The following SLC25A31 variants were observed in gnomAD, a reference collection of about 807,000 sequenced individuals.
SLC25A31 encodes the protein solute carrier family 25 member 31, also known as ADP/ATP translocase 4.
SLC25A31 carries 40 observed loss-of-function variants against 36.2 expected under a neutral mutation model. That is an observed-to-expected ratio of 1.10 (90% CI 0.86 to 1.44). The LOEUF is 1.44. Among genes scored for constraint, SLC25A31 ranks in the 40% most tolerant of loss-of-function variants. The probability of loss-of-function intolerance (pLI) is 0.00; values close to 1 mark genes in which losing one functional copy is unlikely to be tolerated. For missense variants in SLC25A31, 350 were observed against 397.1 expected, an observed-to-expected ratio of 0.88 and a Z score of 1.01; for synonymous variants, 143 against 149.7, an observed-to-expected ratio of 0.96 and a Z score of 0.32.
At chr4:127,736,554 G>C (rs778927714) in intron 1 of SLC25A31, among the ~76,000 whole-genome samples, 1 of 152,104 alleles carries the variant, frequency 6.6e-6, no homozygotes, top group Non-Finnish European at 1.5e-5. Context: ...TTTTTATATA[G>C]AGGCAATAGA....
rs1310126132 is a variant in SLC25A31, at chr4:127,766,411, C to G, written c.479-655C>G. On this transcript the variant is annotated intron_variant, in intron 3 of 5. Coordinates refer to ENST00000281154, the MANE Select transcript of SLC25A31 (RefSeq NM_031291.4). ...TTGAACTCCTGACCTCGTGATCCAC[C>G]CACCTCAGCCTCCCAAAGTGCTGGG... Among the ~76,000 whole-genome samples the G allele has an allele frequency of 2.7e-5, 4 of 149,574 alleles. No individual in the cohort carries two copies. In the South Asian group the frequency reaches 6.4e-4, roughly 24 times the overall value.
chr4:127,761,006 A>G (rs1206336728), intron 2 of SLC25A31, among the ~76,000 whole-genome samples: 1 of 30,394 alleles, frequency 3.3e-5, no homozygotes, highest in Non-Finnish European at 1.1e-4. Context: ...ACTCACTTAT[A>G]CTTATATACA....
intron 2 of SLC25A31, among the ~76,000 whole-genome samples, chr4:127,750,045 AG>A (rs1391497056): frequency 2.0e-5 from 3 of 152,178 alleles, no homozygotes; most frequent in African/African-American, 7.2e-5. Flanking sequence ...GAGTGCTAAA[AG>A]AAAAAAAAAA....
chr4:127,735,882 TTA>T (rs1297937761), intron 1 of SLC25A31, among the ~76,000 whole-genome samples: 2 of 68,028 alleles, frequency 2.9e-5, no homozygotes, highest in African/African-American at 5.2e-5. Context: ...ATTTATTTAT[TTA>T]TTTATTTATT....
chr4:127,730,418 C>A lies in SLC25A31; in HGVS notation c.-128C>A. The A allele has an allele frequency of 9.6e-7, 1 of 1,037,484 alleles. No homozygotes were observed. The highest frequency in any genetic ancestry group is 1.4e-6 in the Non-Finnish European group (1 of 719,638). 64.3% of individuals were successfully genotyped at this position (1,037,484 alleles called of 1,614,324 possible). On this transcript the variant is annotated 5_prime_UTR_variant, in exon 1 of 6. Coordinates refer to ENST00000281154, the MANE Select transcript of SLC25A31 (RefSeq NM_031291.4). Reference sequence around the variant, plus strand: ...GCGCCTCGCCGGCGCGCGGCTCTCTCAGCGTCCCAAGAGCCACTTTCTCGC... The same window carrying A: ...GCGCCTCGCCGGCGCGCGGCTCTCTAAGCGTCCCAAGAGCCACTTTCTCGC...
chr4:127,736,902 A>G (rs1560630804), intron 1 of SLC25A31, among the ~76,000 whole-genome samples: 1 of 152,232 alleles, frequency 6.6e-6, no homozygotes, highest in African/African-American at 2.4e-5. Context: ...CATAGAGTAG[A>G]TTTTTGTAAT....
intron 2 of SLC25A31, among the ~76,000 whole-genome samples, chr4:127,750,749 C>A (rs1441053839): frequency 6.6e-6 from 1 of 150,664 alleles, no homozygotes; most frequent in Non-Finnish European, 1.5e-5. Context: ...TTAAAAACCT[C>A]TAGTAAATAC....
intron 1 of SLC25A31, among the ~76,000 whole-genome samples, chr4:127,742,380 C>T (rs187201598): frequency 7.4e-4 from 112 of 152,330 alleles, no homozygotes; most frequent in African/African-American, 2.5e-3. Context: ...ACTAACCCTT[C>T]GCCTGTCATG....
intron 2 of SLC25A31, among the ~76,000 whole-genome samples, chr4:127,760,712 T>C (rs1337436518): frequency 6.6e-6 from 1 of 152,226 alleles, no homozygotes; most frequent in Non-Finnish European, 1.5e-5. Context: ...TTTCATCTTC[T>C]CCCTTCCTGA....
Position 127,764,282 on chromosome 4 carries a change from G to A in SLC25A31, c.400G>A (p.Ala134Thr), listed in dbSNP as rs531656423. ...TTTGGCAAACCTGGCTTCTGGTGGA[G>A]CTGCTGGGGCAACATCCTTATGTGT... ...WFLANLASGGAAGATSLCVVY... is the reference protein window; with the variant it reads ...WFLANLASGGTAGATSLCVVY... Residue 134 changes from alanine (A) to threonine (T), a missense_variant, in exon 3 of 6, where the codon GCT becomes ACT. By Grantham distance (58) the Ala-to-Thr change is moderately conservative. Transcript: ENST00000281154. 1 of 1,613,914 alleles carries A rather than the reference G, an allele frequency of 6.2e-7. No individual in the cohort carries two copies. Among genetic ancestry groups the A allele is most frequent in the South Asian group, 1.1e-5 (1 of 91,062 alleles).
chr4:127,737,362 C>A (rs1731650660), intron 1 of SLC25A31, among the ~76,000 whole-genome samples: 1 of 152,114 alleles, frequency 6.6e-6, no homozygotes, highest in Admixed American at 6.5e-5. Flanking sequence ...TCTTTTGATG[C>A]AAATGGTTTT....
chr4:127,732,988 G>A (rs977571981), intron 1 of SLC25A31, among the ~76,000 whole-genome samples: 6 of 152,170 alleles, frequency 3.9e-5, no homozygotes, highest in Admixed American at 6.5e-5. Flanking sequence ...GATTTATCCC[G>A]CAACCTGAAT....
intron 3 of SLC25A31, among the ~76,000 whole-genome samples, chr4:127,766,614 C>T (rs1323236538): frequency 6.6e-6 from 1 of 152,070 alleles, no homozygotes; most frequent in South Asian, 2.1e-4. Flanking sequence ...CTACCTGCCT[C>T]AGCCTCCTGG....
intron 2 of SLC25A31, among the ~76,000 whole-genome samples, chr4:127,756,436 G>T (rs781670113): frequency 6.6e-6 from 1 of 152,104 alleles, no homozygotes; most frequent in Non-Finnish European, 1.5e-5. Context: ...GATGGAGCGT[G>T]GGGGGATGAG....
intron 2 of SLC25A31, among the ~76,000 whole-genome samples, chr4:127,748,094 A>G (rs1337072533): frequency 6.6e-6 from 1 of 152,156 alleles, no homozygotes; most frequent in East Asian, 1.9e-4. Context: ...GTGGAATGTG[A>G]CTGACCTTAG....
At chr4:127,734,633 G>A (rs899354944) in intron 1 of SLC25A31, among the ~76,000 whole-genome samples, 8 of 150,590 alleles carry the variant, frequency 5.3e-5, no homozygotes, top group African/African-American at 2.0e-4. Flanking sequence ...TCTCTTTTAG[G>A]AGTTCCGTGT....
intron 5 of SLC25A31, 142 bp from the exon 6 acceptor site, chr4:127,773,244 C>G (rs1732399894): frequency 1.6e-6 from 1 of 621,934 alleles, no homozygotes; most frequent in Admixed American, 3.8e-5. Flanking sequence ...CTCTAACCAC[C>G]AGGGACAGTA....
intron 3 of SLC25A31, among the ~76,000 whole-genome samples, chr4:127,766,760 G>A (rs995922307): frequency 6.6e-6 from 1 of 152,148 alleles, no homozygotes; most frequent in African/African-American, 2.4e-5. Flanking sequence ...ATCTCACCTG[G>A]CCTGTTTCAA....
At chr4:127,744,837 A>G (rs764153929) in intron 2 of SLC25A31, 38 bp downstream of exon 2, 4 of 1,330,828 alleles carry the variant, frequency 3.0e-6, no homozygotes, top group South Asian at 1.6e-5. Flanking sequence ...CTTCCAATAT[A>G]GAAATTTTCC....
Sources: allele counts gnomAD v4.1 joint callset (sites outside exome capture counted in the v4.1 genomes callset), GRCh38; gene constraint gnomAD v4.1.1; transcripts MANE v1.5; gene names NCBI Gene and HGNC (gene_info 2026-07-23, HGNC 2026-07-21).